Variants in PRKN observed in about 807,000 individuals in gnomAD.
PRKN encodes the protein E3 ubiquitin-protein ligase parkin.
PRKN carries 56 observed loss-of-function variants against 59.5 expected under a neutral mutation model. The ratio of observed to expected loss-of-function variants is 0.94; its 90% CI spans 0.76 to 1.18. The LOEUF is 1.18. Ranked by LOEUF, PRKN falls within the 50% of genes most tolerant of loss-of-function variation. The pLI is 0.00. For synonymous variants in PRKN, 250 were observed against 222.1 expected (o/e 1.13, Z -1.12); for missense variants, 657 against 596.4 (o/e 1.10, Z -1.06).
At chr6:161,707,139 T>C (rs909403160) in intron 7 of PRKN, among the ~76,000 whole-genome samples, 2 of 152,206 alleles carry the variant, frequency 1.3e-5, no homozygotes, top group African/African-American at 2.4e-5. Flanking sequence ...TTCAACATTA[T>C]AGCTAATTTC....
At chr6:162,443,589 A>G (rs988484541) in intron 1 of PRKN, 116 bp from the exon 2 acceptor site, 3 of 940,368 alleles carry the variant, frequency 3.2e-6, no homozygotes, top group Non-Finnish European at 1.7e-6. Context: ...TGAATGGTAT[A>G]TATTTTCTTT....
chr6:161,702,346 C>G (rs1388686102), intron 7 of PRKN, among the ~76,000 whole-genome samples: 1 of 152,172 alleles, frequency 6.6e-6, no homozygotes, highest in African/African-American at 2.4e-5. Flanking sequence ...CAATGGAATA[C>G]TGTCCAGCCT....
chr6:161,637,893 A>G (rs909729975), intron 7 of PRKN, among the ~76,000 whole-genome samples: 1 of 152,172 alleles, frequency 6.6e-6, no homozygotes, highest in African/African-American at 2.4e-5. Context: ...GACTGATCCC[A>G]AGTGTGACTG....
intron 1 of PRKN, among the ~76,000 whole-genome samples, chr6:162,627,802 G>A (rs1471111735): frequency 6.6e-6 from 1 of 152,158 alleles, no homozygotes; most frequent in Non-Finnish European, 1.5e-5. Context: ...TGATCAGTGG[G>A]CAGTTTTGAA....
chr6:161,698,145 C>A (rs1354372358), intron 7 of PRKN, among the ~76,000 whole-genome samples: 1 of 151,926 alleles, frequency 6.6e-6, no homozygotes, highest in Non-Finnish European at 1.5e-5. Context: ...ATAACAATGG[C>A]CTAAACTTCA....
chr6:161,443,325 A>AAAAAG (rs1554261812), intron 9 of PRKN, among the ~76,000 whole-genome samples: 1 of 149,942 alleles, frequency 6.7e-6, no homozygotes, highest in African/African-American at 2.5e-5. Context: ...AAAAAAAAAA[A>AAAAAG]AATCAGGGAG....
At chr6:161,564,940 G>A (rs929562315) in intron 8 of PRKN, among the ~76,000 whole-genome samples, 1 of 152,172 alleles carries the variant, frequency 6.6e-6, no homozygotes, top group Non-Finnish European at 1.5e-5. Context: ...CCACAAGCTC[G>A]ATGTGAAGTC....
chr6:161,911,258 C>A (rs1378380468), intron 6 of PRKN, among the ~76,000 whole-genome samples: 1 of 152,192 alleles, frequency 6.6e-6, no homozygotes, highest in Non-Finnish European at 1.5e-5. Context: ...CACTCATATA[C>A]ACACAGCTGG....
intron 3 of PRKN, among the ~76,000 whole-genome samples, chr6:162,210,212 G>A (rs1468808340): frequency 6.6e-6 from 1 of 151,930 alleles, no homozygotes; most frequent in African/African-American, 2.4e-5. Context: ...AAATCAGCTG[G>A]CCCTCAATGC....
chr6:162,674,751 G>C (rs1383198734), intron 1 of PRKN, among the ~76,000 whole-genome samples: 1 of 152,036 alleles, frequency 6.6e-6, no homozygotes, highest in Non-Finnish European at 1.5e-5. Context: ...TTAGAGAGTG[G>C]GAAGAAAGAA....
Position 161,414,167 on chromosome 6 carries a change from A to C in PRKN, c.1084-27290T>G, listed in dbSNP as rs1787727669. The stretch of plus-strand genomic sequence containing the variant: ...GAGCACAAACTCTCAACAAGGTGGA[A>C]ACTCGACACTATGCTCTCAATCTCC... On this transcript the variant is annotated intron_variant, in intron 9 of 11. Coordinates refer to ENST00000366898, the MANE Select transcript of PRKN (RefSeq NM_004562.3). The surrounding 1 kb of genome is among the most constrained non-coding windows in gnomAD (Gnocchi z 5.3). Among the ~76,000 whole-genome samples the C allele has an allele frequency of 1.3e-5, 2 of 152,194 alleles. No homozygotes were observed. Among genetic ancestry groups the C allele is most frequent in the Non-Finnish European group, 2.9e-5 (2 of 68,030 alleles).
intron 6 of PRKN, among the ~76,000 whole-genome samples, chr6:161,853,707 A>T (rs1316456106): frequency 6.6e-6 from 1 of 152,202 alleles, no homozygotes; most frequent in Non-Finnish European, 1.5e-5. Context: ...ACATCATTTC[A>T]TTATGCAGGA....
At chr6:162,099,701 T>C (rs1473565587) in intron 4 of PRKN, among the ~76,000 whole-genome samples, 2 of 152,224 alleles carry the variant, frequency 1.3e-5, no homozygotes. Flanking sequence ...TGTTTTGAAA[T>C]ATGTATGTGT....
chr6:161,473,394 A>C lies in PRKN; in HGVS notation c.1083+75460T>G, dbSNP rs1790890223. On this transcript the variant is annotated intron_variant, in intron 9 of 11. Transcript: ENST00000366898. The surrounding 1 kb of genome is among the most constrained non-coding windows in gnomAD (Gnocchi z 4.1). Reference sequence around the variant, plus strand: ...TATATATATAAAATGGAATATTATCAAGCCTTAAAAAGGAGATTCTACTAT... The same window carrying C: ...TATATATATAAAATGGAATATTATCCAGCCTTAAAAAGGAGATTCTACTAT... Among the ~76,000 whole-genome samples the C allele has an allele frequency of 6.6e-6, 1 of 151,228 alleles. No homozygotes were observed. The highest frequency in any genetic ancestry group is 2.4e-5 in the African/African-American group (1 of 41,300).
At position 161,360,814 on chromosome 6, in the gene PRKN, C is replaced by T. The variant is rs979257163; in HGVS notation, c.1168-609G>A. 6.6e-6 allele frequency among the ~76,000 whole-genome samples: 1 copy of T among 152,144 alleles called. No individual in the cohort carries two copies. The highest frequency in any genetic ancestry group is 6.5e-5 in the Admixed American group (1 of 15,280). On this transcript the variant is annotated intron_variant, in intron 10 of 11. Coordinates refer to ENST00000366898, the MANE Select transcript of PRKN (RefSeq NM_004562.3). The surrounding 1 kb of genome is among the most constrained non-coding windows in gnomAD (Gnocchi z 5.1). ...GGAGCTGTGAGTGAAGACTGTGGCC[C>T]TGGAACCAGCTGTCTGGTTCAAATC... is the stretch of plus-strand genomic sequence containing the variant.
intron 3 of PRKN, among the ~76,000 whole-genome samples, chr6:162,225,076 G>T (rs1195174113): frequency 6.6e-6 from 1 of 152,088 alleles, no homozygotes; most frequent in Non-Finnish European, 1.5e-5. Context: ...GTCCAAGATT[G>T]GGCAGCCCTG....
rs78845521 is a variant in PRKN, at chr6:161,720,401, C to A, written c.871+65371G>T. On this transcript the variant is annotated intron_variant, in intron 7 of 11. Coordinates refer to ENST00000366898, the MANE Select transcript of PRKN (RefSeq NM_004562.3). ...TGAACTTATGCATCCTGAATTGGGA[C>A]TCAATGCTGTCAATCCTCCTGTGCC... Among the ~76,000 whole-genome samples, 6 of 152,210 alleles carry A rather than the reference C, an allele frequency of 3.9e-5. No individual in the cohort carries two copies. The South Asian group carries it at 1.0e-3, about 26-fold the overall frequency.
chr6:162,424,687 A>G (rs1403132767), intron 2 of PRKN, among the ~76,000 whole-genome samples: 2 of 151,590 alleles, frequency 1.3e-5, no homozygotes, highest in African/African-American at 4.9e-5. Flanking sequence ...GTGAGCCGAG[A>G]TCACGCCACT....
rs142593494 is a variant in PRKN, at chr6:161,911,698, G to C, written c.734+61604C>G. 5.9e-4 allele frequency among the ~76,000 whole-genome samples: 90 copies of C among 152,266 alleles called. 1 individual carries two copies. Among genetic ancestry groups the C allele is most frequent in the Non-Finnish European group, 1.0e-3 (71 of 68,026 alleles). ...AAATACCCGTCAGTATAGAAATGTAGTATATCATAAAAATGGCACTTCAAA... is the reference window on the plus strand; with the variant it reads ...AAATACCCGTCAGTATAGAAATGTACTATATCATAAAAATGGCACTTCAAA... On this transcript the variant is annotated intron_variant, in intron 6 of 11. Transcript: ENST00000366898.
Sources: allele counts gnomAD v4.1 joint callset (sites outside exome capture counted in the v4.1 genomes callset), GRCh38; gene constraint gnomAD v4.1.1; non-coding constraint Gnocchi (gnomAD v3.1); transcripts MANE v1.5; gene names NCBI Gene and HGNC (gene_info 2026-07-23, HGNC 2026-07-21).